RBPJ: variants seen among roughly 807,000 people sequenced by gnomAD.
RBPJ encodes recombination signal binding protein for immunoglobulin kappa J region.
Under a neutral mutation model 67.8 loss-of-function variants are expected in RBPJ, and 9 were observed. That is an observed-to-expected ratio of 0.13 (90% CI 0.08 to 0.23). The LOEUF is 0.23. RBPJ is among the 10% of genes least tolerant of loss of function. The pLI is 1.00. For synonymous variants in RBPJ, 198 were observed against 203.3 expected (o/e 0.97, Z 0.22); for missense variants, 305 against 595.6 (o/e 0.51, Z 5.08).
chr4:26,296,190 T>C (rs577622032), intron 1 of RBPJ, among the ~76,000 whole-genome samples: 1 of 152,326 alleles, frequency 6.6e-6, no homozygotes, highest in East Asian at 1.9e-4. Context: ...ATTTCTTCTG[T>C]AGAACAGAAA....
intron 1 of RBPJ, among the ~76,000 whole-genome samples, chr4:26,349,369 G>A (rs1726560612): frequency 6.6e-6 from 1 of 152,170 alleles, no homozygotes; most frequent in Non-Finnish European, 1.5e-5. Context: ...ACAGTGCCTG[G>A]CCAATCTTCA....
At chr4:26,262,043 T>A (rs1720555922) in intron 1 of RBPJ, among the ~76,000 whole-genome samples, 1 of 152,204 alleles carries the variant, frequency 6.6e-6, no homozygotes, top group African/African-American at 2.4e-5. Flanking sequence ...CCTCCTGGGC[T>A]CAAGCGGTCC....
At chr4:26,180,598 A>C (rs1444616602) in intron 1 of RBPJ, among the ~76,000 whole-genome samples, 3 of 152,184 alleles carry the variant, frequency 2.0e-5, no homozygotes, top group Non-Finnish European at 4.4e-5. Context: ...TTATAAGGGC[A>C]CTAATACCAT....
chr4:26,130,492 C>T, the RBPJ span, among the ~76,000 whole-genome samples: 1 of 152,276 alleles, frequency 6.6e-6, no homozygotes, highest in Non-Finnish European at 1.5e-5. Context: ...CTCAGGTCTC[C>T]CCTGCCTGGT....
intron 1 of RBPJ, among the ~76,000 whole-genome samples, chr4:26,334,978 T>C (rs1724657475): frequency 6.6e-6 from 1 of 152,192 alleles, no homozygotes; most frequent in Non-Finnish European, 1.5e-5. Flanking sequence ...TTTTAAAAAT[T>C]CCTACTGGTT....
chr4:26,134,875 C>T, the RBPJ span, among the ~76,000 whole-genome samples: 16 of 152,286 alleles, frequency 1.1e-4, no homozygotes, highest in South Asian at 1.7e-3. Context: ...TTTGGGATCT[C>T]AAGATCGTCA....
At chr4:26,266,228 C>A (rs1397220866) in intron 1 of RBPJ, among the ~76,000 whole-genome samples, 1 of 152,060 alleles carries the variant, frequency 6.6e-6, no homozygotes, top group African/African-American at 2.4e-5. Flanking sequence ...GGAAAAGAGG[C>A]TTGTTGGATG....
At chr4:26,150,669 G>C in the RBPJ span, among the ~76,000 whole-genome samples, 2 of 152,162 alleles carry the variant, frequency 1.3e-5, no homozygotes, top group African/African-American at 2.4e-5. Flanking sequence ...ACAGTGGCTA[G>C]TACAGGGCAA....
In RBPJ at chr4:26,424,805, A is replaced by G; in HGVS notation, c.747+62A>G. The G allele has an allele frequency of 1.0e-6, 1 of 956,126 alleles. No homozygotes were observed. Among genetic ancestry groups the G allele is most frequent in the East Asian group, 2.4e-5 (1 of 41,532 alleles). The allele number at this position is 956,126 out of a possible 1,614,324, so 59.2% of individuals were successfully genotyped here. A position where few individuals can be genotyped will look rare whatever the true frequency, so the allele number is the denominator to read the frequency against. On this transcript the variant is annotated intron_variant, in intron 7 of 10. Coordinates refer to ENST00000355476, the MANE Select transcript of RBPJ (RefSeq NM_015874.6). The surrounding 1 kb of genome is among the most constrained non-coding windows in gnomAD (Gnocchi z 5.3). ...TAAAAATTAATTTCTTAAACAGGAA[A>G]ATCACAACATTCAAATGGAAAAACA... is the stretch of plus-strand genomic sequence containing the variant.
chr4:26,112,231 A>G, the RBPJ span: 1 of 152,590 alleles, frequency 6.6e-6, no homozygotes, highest in Admixed American at 6.5e-5. Flanking sequence ...AAAACTTCCA[A>G]TTTGGGTACA....
chr4:26,141,447 GCC>G, the RBPJ span, among the ~76,000 whole-genome samples: 1 of 152,248 alleles, frequency 6.6e-6, no homozygotes, highest in Non-Finnish European at 1.5e-5. Flanking sequence ...CAGGACCCAA[GCC>G]AGGCCCGGAA....
At position 26,244,417 on chromosome 4, in the gene RBPJ, A is replaced by G. The variant is rs62409723; in HGVS notation, c.-167+80803A>G. On this transcript the variant is annotated intron_variant, in intron 1 of 4. Coordinates refer to the RBPJ transcript ENST00000512351. ...TGTATGCACATATGTGTGTATACAT[A>G]TGTGTGTATATATGTATACATATGT... Among the ~76,000 whole-genome samples, 15 of 44,504 alleles carry G rather than the reference A, an allele frequency of 3.4e-4. 1 individual carries two copies. The highest frequency in any genetic ancestry group is 8.3e-4 in the Admixed American group (3 of 3,600). The allele number at this position is 44,504 out of a possible 152,430, so 29.2% of individuals were successfully genotyped here. A position where few individuals can be genotyped will look rare whatever the true frequency, so the allele number is the denominator to read the frequency against.
chr4:26,138,771 T>A, the RBPJ span, among the ~76,000 whole-genome samples: 1 of 152,168 alleles, frequency 6.6e-6, no homozygotes, highest in Non-Finnish European at 1.5e-5. Context: ...TTCCTCATGC[T>A]CCAATCCTGC....
intron 1 of RBPJ, among the ~76,000 whole-genome samples, chr4:26,172,050 G>A (rs562032590): frequency 2.6e-5 from 4 of 152,346 alleles, no homozygotes; most frequent in African/African-American, 9.6e-5. Context: ...TAAGGCCGGA[G>A]GGCAGCGAAG....
chr4:26,227,355 C>G lies in RBPJ; in HGVS notation c.-167+63741C>G, dbSNP rs574446716. On this transcript the variant is annotated intron_variant, in intron 1 of 4. Transcript: ENST00000512351. ...GGCAACCCGGCTAGTTGCCCAACAT[C>G]TATGTATAATAAATGGAAAATAATA... 9.4e-4 allele frequency among the ~76,000 whole-genome samples: 143 copies of G among 152,150 alleles called. 1 individual carries two copies. The highest frequency in any genetic ancestry group is 1.7e-3 in the Non-Finnish European group (114 of 68,024).
chr4:26,163,108 G>A (rs571714739), upstream of RBPJ, among the ~76,000 whole-genome samples: 12 of 151,838 alleles, frequency 7.9e-5, no homozygotes, highest in South Asian at 2.1e-4. Context: ...AGGATTTGGG[G>A]TATTAAGTAT....
intron 1 of RBPJ, among the ~76,000 whole-genome samples, chr4:26,164,146 G>C (rs1458866064): frequency 6.6e-6 from 1 of 152,094 alleles, no homozygotes; most frequent in Non-Finnish European, 1.5e-5. Context: ...ATGTTGTCTC[G>C]AAACTCACCG....
At chr4:26,422,211 CTTT>C (rs34021965) in intron 5 of RBPJ, among the ~76,000 whole-genome samples, 1 of 147,588 alleles carries the variant, frequency 6.8e-6, no homozygotes, top group Admixed American at 6.7e-5. Flanking sequence ...TGATTATCCC[CTTT>C]TTTTTTTTTG....
At chr4:26,416,583 A>G (rs1734613555) in intron 4 of RBPJ, among the ~76,000 whole-genome samples, 1 of 152,138 alleles carries the variant, frequency 6.6e-6, no homozygotes, top group South Asian at 2.1e-4. Context: ...GAATTTAGCT[A>G]TGGTTTTATT....
Sources: allele counts gnomAD v4.1 joint callset (sites outside exome capture counted in the v4.1 genomes callset), GRCh38; gene constraint gnomAD v4.1.1; non-coding constraint Gnocchi (gnomAD v3.1); transcripts MANE v1.5; gene names NCBI Gene and HGNC (gene_info 2026-07-23, HGNC 2026-07-21).